EPHA3: variants seen among roughly 807,000 people sequenced by gnomAD.
EPHA3 encodes ephrin type-A receptor 3.
In EPHA3, 42 loss-of-function variants were observed where a neutral mutation model predicts 107.1. The observed-to-expected ratio is 0.39, with a 90% CI of 0.31 to 0.51. The LOEUF is 0.51. EPHA3 is among the 20% of genes least tolerant of loss of function. The pLI is 0.78. For synonymous variants in EPHA3, 461 were observed against 424.8 expected (o/e 1.09, Z -1.05); for missense variants, 1,183 against 1,211.2 (o/e 0.98, Z 0.35).
chr3:89,134,372 C>T (rs1311224664), intron 2 of EPHA3, among the ~76,000 whole-genome samples: 2 of 152,194 alleles, frequency 1.3e-5, no homozygotes, highest in East Asian at 1.9e-4. Flanking sequence ...CCCCACTCCC[C>T]GCATCCCACA....
intron 5 of EPHA3, among the ~76,000 whole-genome samples, chr3:89,352,447 G>GT (rs1707848892): frequency 6.6e-6 from 1 of 150,968 alleles, no homozygotes; most frequent in African/African-American, 2.4e-5. Flanking sequence ...TATAAAAAAC[G>GT]TTTATAGGCT....
chr3:89,402,547 CA>C (rs1186805210), intron 7 of EPHA3, among the ~76,000 whole-genome samples: 3 of 151,890 alleles, frequency 2.0e-5, no homozygotes, highest in Non-Finnish European at 4.4e-5. Context: ...TTTATTAAAT[CA>C]AAATGACATA....
At chr3:89,350,038 C>G (rs1474879381) in intron 5 of EPHA3, among the ~76,000 whole-genome samples, 1 of 150,532 alleles carries the variant, frequency 6.6e-6, no homozygotes, top group Non-Finnish European at 1.5e-5. Context: ...TTCTCTCTGG[C>G]TGCCCTTAAC....
chr3:89,286,119 C>CGTGTGTGTGTGTGT (rs373081017), intron 3 of EPHA3, among the ~76,000 whole-genome samples: 77 of 136,652 alleles, frequency 5.6e-4, no homozygotes, highest in African/African-American at 1.9e-3. Context: ...TCAATTTCTA[C>CGTGTGTGTGTGTGT]GTGTGTGTGT....
intron 2 of EPHA3, among the ~76,000 whole-genome samples, chr3:89,146,327 A>G (rs977673527): frequency 3.3e-5 from 5 of 151,882 alleles, no homozygotes; most frequent in Non-Finnish European, 5.9e-5. Flanking sequence ...CCCAAAGTGC[A>G]TGAGTAATGA....
At chr3:89,228,015 C>T (rs1365444840) in intron 3 of EPHA3, among the ~76,000 whole-genome samples, 1 of 151,820 alleles carries the variant, frequency 6.6e-6, no homozygotes, top group Non-Finnish European at 1.5e-5. Context: ...ATAACACAGT[C>T]GTTTAGTTGG....
At chr3:89,276,906 A>G (rs1222483209) in intron 3 of EPHA3, among the ~76,000 whole-genome samples, 1 of 152,160 alleles carries the variant, frequency 6.6e-6, no homozygotes, top group African/African-American at 2.4e-5. Flanking sequence ...TATAGTTTCC[A>G]AAGTGATGTT....
In EPHA3 at chr3:89,221,814, T is replaced by C. The variant is rs148548538; in HGVS notation, c.814+11294T>C. Among the ~76,000 whole-genome samples the C allele has an allele frequency of 4.3e-3, 656 of 152,278 alleles. 9 individuals carry two copies. Among genetic ancestry groups the C allele is most frequent in the African/African-American group, 0.015 (614 of 41,564 alleles). On this transcript the variant is annotated intron_variant, in intron 3 of 16. Transcript: ENST00000336596. ...TGCTTTTCATAATATAATATGTCAATAATTTTCATCTGAAATGCTTCTGCA... is the reference window on the plus strand; with the variant it reads ...TGCTTTTCATAATATAATATGTCAACAATTTTCATCTGAAATGCTTCTGCA...
At position 89,475,878 on chromosome 3, in the gene EPHA3, A is replaced by T. The variant is rs528792383; in HGVS notation, c.2846+3259A>T. On this transcript the variant is annotated intron_variant, in intron 16 of 16. Coordinates refer to ENST00000336596, the MANE Select transcript of EPHA3 (RefSeq NM_005233.6). ...AGGACAGTCAAAATGAAATGAGCAC[A>T]CAGAGTGTTATGGAGACAGCAGCAA... Among the ~76,000 whole-genome samples the T allele has an allele frequency of 2.0e-5, 3 of 152,180 alleles. No homozygotes were observed. The East Asian group carries it at 5.8e-4, about 29-fold the overall frequency.
intron 5 of EPHA3, among the ~76,000 whole-genome samples, chr3:89,381,369 A>G (rs1270206802): frequency 6.6e-6 from 1 of 152,028 alleles, no homozygotes; most frequent in African/African-American, 2.4e-5. Context: ...CCACATTTAT[A>G]CATTGAAACC....
At chr3:89,320,311 GT>G (rs1707013737) in intron 3 of EPHA3, among the ~76,000 whole-genome samples, 1 of 151,952 alleles carries the variant, frequency 6.6e-6, no homozygotes, top group Non-Finnish European at 1.5e-5. Context: ...CTCCAGCTGG[GT>G]CAGAATAGTG....
chr3:89,333,304 T>C lies in EPHA3; in HGVS notation c.815-7612T>C, dbSNP rs527966441. Among the ~76,000 whole-genome samples, 8 of 152,328 alleles carry C rather than the reference T, an allele frequency of 5.3e-5. No homozygotes were observed. In the South Asian group the frequency reaches 1.7e-3, roughly 32 times the overall value. On this transcript the variant is annotated intron_variant, in intron 3 of 16. Transcript: ENST00000336596. ...TTTTATTGTTTCCCCTTCATAAATA[T>C]GAAATCAGCAGGTTCCCAAAATATT...
intron 3 of EPHA3, among the ~76,000 whole-genome samples, chr3:89,268,858 C>T (rs1342790667): frequency 2.0e-5 from 3 of 151,152 alleles, no homozygotes; most frequent in African/African-American, 7.3e-5. Context: ...TTTAAACCTT[C>T]CTGTGTTGTG....
At chr3:89,184,562 C>G (rs1221041378) in intron 2 of EPHA3, among the ~76,000 whole-genome samples, 1 of 152,016 alleles carries the variant, frequency 6.6e-6, no homozygotes, top group African/African-American at 2.4e-5. Context: ...AACACTGGAA[C>G]AACCAAACTC....
chr3:89,427,342 T>G (rs1374276190), intron 11 of EPHA3, among the ~76,000 whole-genome samples: 1 of 151,872 alleles, frequency 6.6e-6, no homozygotes, highest in South Asian at 2.1e-4. Flanking sequence ...TCAAAGAGTT[T>G]TTTACACATG....
intron 2 of EPHA3, among the ~76,000 whole-genome samples, chr3:89,184,255 A>G (rs1705510741): frequency 6.6e-6 from 1 of 152,024 alleles, no homozygotes; most frequent in African/African-American, 2.4e-5. Flanking sequence ...ATATGTGTGT[A>G]GAAGTAGTTG....
chr3:89,352,127 G>A (rs1450317241), intron 5 of EPHA3, among the ~76,000 whole-genome samples: 4 of 151,144 alleles, frequency 2.6e-5, no homozygotes, highest in African/African-American at 9.7e-5. Context: ...TAAAGGAAAA[G>A]ATCTTTGAGG....
intron 2 of EPHA3, among the ~76,000 whole-genome samples, chr3:89,149,089 C>T (rs2107037536): frequency 6.6e-6 from 1 of 151,960 alleles, no homozygotes; most frequent in Middle Eastern, 3.4e-3. Context: ...ATGGTTTTTC[C>T]ATTGAAACAG....
Position 89,407,293 on chromosome 3 carries a change from G to A in EPHA3, c.1619G>A (p.Ser540Asn). ...PDSFSISGES[S>N]QVVMIAISAA... ...GCTTTCTCCATCTCTGGTGAAAGTA[G>A]CCAAGTGGTCATGATCGCCATTTCA... Residue 540 changes from serine to asparagine, a missense_variant, in exon 8 of 17, where the codon AGC becomes AAC. Coordinates refer to ENST00000336596, the MANE Select transcript of EPHA3 (RefSeq NM_005233.6). 1 of 1,613,422 alleles carries A rather than the reference G, an allele frequency of 6.2e-7. No individual in the cohort carries two copies. The highest frequency in any genetic ancestry group is 8.5e-7 in the Non-Finnish European group (1 of 1,179,586).
Sources: gnomAD v4.1 joint callset for allele counts (sites outside exome capture counted in the v4.1 genomes callset) on GRCh38, gnomAD v4.1.1 for gene constraint, MANE v1.5 for transcripts, NCBI Gene and HGNC (gene_info 2026-07-23, HGNC 2026-07-21) for gene names.